Variants in PTPRT observed in about 807,000 individuals in gnomAD.
The protein encoded by PTPRT is receptor-type tyrosine-protein phosphatase T.
A neutral mutation model predicts 176.8 loss-of-function variants in PTPRT; 56 were observed. The observed-to-expected ratio is 0.32, with a 90% CI of 0.26 to 0.40. PTPRT has a LOEUF of 0.40. Ranked by LOEUF, PTPRT falls within the 10% of genes least tolerant of loss-of-function variation. The pLI, the probability that PTPRT is intolerant of heterozygous loss-of-function variation, is 1.00. For synonymous variants in PTPRT, 783 were observed against 739.0 expected (o/e 1.06, Z -0.96); for missense variants, 1,540 against 1,908.2 (o/e 0.81, Z 3.60).
intron 7 of PTPRT, among the ~76,000 whole-genome samples, chr20:42,611,597 C>A (rs988683106): frequency 6.6e-6 from 1 of 152,180 alleles, no homozygotes; most frequent in Non-Finnish European, 1.5e-5. Flanking sequence ...ACCTGCATAG[C>A]CCTCTCCATG....
chr20:42,433,466 C>A (rs1220827901), intron 9 of PTPRT, among the ~76,000 whole-genome samples: 1 of 152,134 alleles, frequency 6.6e-6, no homozygotes, highest in African/African-American at 2.4e-5. Flanking sequence ...AAATGACCAG[C>A]TGCAGTGCTG....
chr20:42,868,217 G>A (rs1005198222), intron 2 of PTPRT, among the ~76,000 whole-genome samples: 1 of 152,198 alleles, frequency 6.6e-6, no homozygotes, highest in African/African-American at 2.4e-5. Context: ...AAGCTGGAGA[G>A]AAAGGCTCAA....
At chr20:42,702,341 T>G (rs1316575130) in intron 6 of PTPRT, among the ~76,000 whole-genome samples, 1 of 152,014 alleles carries the variant, frequency 6.6e-6, no homozygotes, top group Non-Finnish European at 1.5e-5. Flanking sequence ...CTCATTAACA[T>G]CTCCAGGGAT....
chr20:43,142,775 T>G (rs1477054687), intron 1 of PTPRT, among the ~76,000 whole-genome samples: 2 of 152,200 alleles, frequency 1.3e-5, no homozygotes, highest in Non-Finnish European at 2.9e-5. Flanking sequence ...GGAGAAGCCG[T>G]GTTGACATGG....
chr20:43,168,528 A>T (rs928231051), intron 1 of PTPRT, among the ~76,000 whole-genome samples: 5 of 152,220 alleles, frequency 3.3e-5, no homozygotes, highest in African/African-American at 4.8e-5. Flanking sequence ...ATTTTTTCCC[A>T]TGCTGATATG....
chr20:43,065,639 A>G (rs1422691885), intron 1 of PTPRT, among the ~76,000 whole-genome samples: 1 of 152,214 alleles, frequency 6.6e-6, no homozygotes, highest in African/African-American at 2.4e-5. Flanking sequence ...CCTTAGCACA[A>G]TGAATCAGAT....
intron 7 of PTPRT, among the ~76,000 whole-genome samples, chr20:42,609,633 A>G (rs1312189741): frequency 1.3e-5 from 2 of 152,162 alleles, no homozygotes; most frequent in East Asian, 3.9e-4. Context: ...CTACCAAGAT[A>G]TGGAATCCAT....
At chr20:42,448,367 C>T in intron 8 of PTPRT, 38 bp from the exon 9 acceptor site, 1 of 1,461,112 alleles carries the variant, frequency 6.8e-7, no homozygotes, top group Non-Finnish European at 9.6e-7. Flanking sequence ...ATGTCACCTT[C>T]CACATCATTT....
At chr20:42,837,656 T>A (rs928758672) in intron 2 of PTPRT, among the ~76,000 whole-genome samples, 1 of 152,192 alleles carries the variant, frequency 6.6e-6, no homozygotes, top group Admixed American at 6.5e-5. Context: ...AGGGACCATA[T>A]CTGAGTTATC....
chr20:42,992,646 A>G (rs1983983798), intron 1 of PTPRT, among the ~76,000 whole-genome samples: 1 of 152,222 alleles, frequency 6.6e-6, no homozygotes, highest in East Asian at 1.9e-4. Context: ...GACTAGGGAG[A>G]CTGTTTCAGT....
intron 6 of PTPRT, chr20:42,687,248 G>C (rs1169375587): frequency 6.6e-6 from 1 of 152,138 alleles, no homozygotes; most frequent in Non-Finnish European, 1.5e-5. Context: ...TCAGGATCAA[G>C]ACAGTCTACA....
intron 2 of PTPRT, among the ~76,000 whole-genome samples, chr20:42,840,009 A>C (rs568960980): frequency 6.6e-6 from 1 of 152,310 alleles, no homozygotes; most frequent in East Asian, 1.9e-4. Context: ...GCCGTAACAC[A>C]GTACCACAAA....
chr20:42,507,192 G>T (rs2071862552), intron 7 of PTPRT, among the ~76,000 whole-genome samples: 1 of 152,112 alleles, frequency 6.6e-6, no homozygotes, highest in Non-Finnish European at 1.5e-5. Context: ...GACCTATAGG[G>T]CTATGCTTAT....
At chr20:42,289,018 C>G (rs952174032) in intron 12 of PTPRT, among the ~76,000 whole-genome samples, 3 of 151,968 alleles carry the variant, frequency 2.0e-5, no homozygotes, top group South Asian at 4.2e-4. Flanking sequence ...AAAAAATAAA[C>G]AATGGAGAAA....
At chr20:42,634,081 T>TAATAC (rs2074534930) in intron 7 of PTPRT, among the ~76,000 whole-genome samples, 2 of 41,976 alleles carry the variant, frequency 4.8e-5, no homozygotes, top group African/African-American at 2.1e-4. Flanking sequence ...ATATAATATA[T>TAATAC]ATATAATATA....
intron 7 of PTPRT, among the ~76,000 whole-genome samples, chr20:42,473,036 T>TA (rs1281947990): frequency 9.9e-5 from 15 of 152,276 alleles, no homozygotes; most frequent in African/African-American, 3.6e-4. Context: ...CCAGATGCAC[T>TA]AGCTGGAAAC....
At chr20:42,647,255 C>T (rs910232062) in intron 7 of PTPRT, among the ~76,000 whole-genome samples, 4 of 151,962 alleles carry the variant, frequency 2.6e-5, no homozygotes, top group Non-Finnish European at 4.4e-5. Context: ...CATATCTTTG[C>T]CATTCTTGTG....
intron 18 of PTPRT, among the ~76,000 whole-genome samples, chr20:42,131,542 C>A (rs76778411): frequency 2.6e-5 from 4 of 152,118 alleles, no homozygotes; most frequent in Non-Finnish European, 5.9e-5. Flanking sequence ...CAAAAAGAAA[C>A]GAACTTATTT....
At chr20:43,070,873 C>T (rs948308546) in intron 1 of PTPRT, among the ~76,000 whole-genome samples, 2 of 149,930 alleles carry the variant, frequency 1.3e-5, no homozygotes, top group Non-Finnish European at 3.0e-5. Flanking sequence ...ATGTAAATGA[C>T]GAGTTAATGG....
Sources: allele counts gnomAD v4.1 joint callset (sites outside exome capture counted in the v4.1 genomes callset), GRCh38; gene constraint gnomAD v4.1.1; transcripts MANE v1.5; gene names NCBI Gene and HGNC (gene_info 2026-07-23, HGNC 2026-07-21).